The following CREBBP variants were observed in gnomAD, a reference collection of about 807,000 sequenced individuals.
The protein encoded by CREBBP is CREB-binding protein.
CREBBP carries 19 observed loss-of-function variants against 265.0 expected under a neutral mutation model. The observed-to-expected ratio is 0.07, with a 90% CI of 0.05 to 0.11. The LOEUF is 0.11. CREBBP is among the 10% of genes least tolerant of loss of function. The probability of loss-of-function intolerance (pLI) is 1.00; values close to 1 mark genes in which losing one functional copy is unlikely to be tolerated. For synonymous variants in CREBBP, 1,457 were observed against 1,223.7 expected, an observed-to-expected ratio of 1.19 and a Z score of -3.98; for missense variants, 2,525 against 3,219.0, an observed-to-expected ratio of 0.78 and a Z score of 5.22.
In CREBBP at chr16:3,728,490, T is replaced by A. The variant is rs1358192617; in HGVS notation, c.6557A>T (p.Asn2186Ile). The change falls in exon 31 of 31, where the codon AAT (asparagine) becomes ATT (isoleucine). Residue 2186 changes from asparagine to isoleucine, a missense_variant. Around this residue, in one of 19 missense-constraint regions of CREBBP, gnomAD observed 473 missense variants for 459.3 expected, o/e 1.03. Transcript: ENST00000262367. This position sits in a 1 kb window ranked among gnomAD's most constrained non-coding sequence, Gnocchi z 8.7. ...PGHNPNMASM[N>I]PQYREMLRRQ... is the part of the protein sequence containing the mutation. ...CCGTAACATTTCTCGGTACTGTGGA[T>A]TCATACTCGCCATGTTGGGGTTGTG... is the stretch of plus-strand genomic sequence containing the variant. 25 of 1,614,028 alleles carry A rather than the reference T, an allele frequency of 1.5e-5. No individual in the cohort carries two copies. Among genetic ancestry groups the A allele is most frequent in the Non-Finnish European group, 2.0e-5 (24 of 1,179,988 alleles).
intron 1 of CREBBP, among the ~76,000 whole-genome samples, chr16:3,859,145 T>C (rs2055021950): frequency 6.6e-6 from 1 of 152,216 alleles, no homozygotes; most frequent in South Asian, 2.1e-4. Flanking sequence ...CCCTGTCTCC[T>C]GGCATACAAC....
intron 23 of CREBBP, among the ~76,000 whole-genome samples, chr16:3,744,291 C>T (rs1263777380): frequency 6.6e-6 from 1 of 152,124 alleles, no homozygotes. Flanking sequence ...GACAGACCCA[C>T]GGCAGCCCAC....
rs745404443 is a variant in CREBBP, at chr16:3,770,615, C to T, written c.2835G>A (p.Ser945=). ...CGTGCACAGGCGTCGGCTGTTGCTG[C>T]GATGACTGAGGGGTAGCCACAGACG... ...QPPSVATPQS[S]QQQPTPVHAQ... Residue 945 remains serine, a synonymous_variant, in exon 14 of 31, where the codon TCG becomes TCA. Coordinates refer to ENST00000262367, the MANE Select transcript of CREBBP (RefSeq NM_004380.3). The T allele has an allele frequency of 6.8e-6, 11 of 1,613,726 alleles. No homozygotes were observed. Among genetic ancestry groups the T allele is most frequent in the Admixed American group, 5.0e-5 (3 of 60,000 alleles).
chr16:3,850,558 A>G lies in CREBBP; in HGVS notation c.537T>C (p.Ala179=), dbSNP rs2141492385. The change falls in exon 2 of 31, where the codon GCT becomes GCC. Residue 179 remains alanine (A), a synonymous_variant. Transcript: ENST00000262367. The stretch of plus-strand genomic sequence containing the variant: ...GGCCTGGGTGGGTCTGGTTAAAGTT[A>G]GCATTCATGCAGATACCAGGTCCAG... ...SQTGPGICMN[A]NFNQTHPGLL... The G allele has an allele frequency of 6.2e-7, 1 of 1,614,250 alleles. No homozygotes were observed. The highest frequency in any genetic ancestry group is 8.5e-7 in the Non-Finnish European group (1 of 1,180,044).
Position 3,874,220 on chromosome 16 carries a change from C to CAG in CREBBP, c.85+5610_85+5611dup, listed in dbSNP as rs888153550. Among the ~76,000 whole-genome samples the CAG allele has an allele frequency of 3.3e-5, 5 of 152,308 alleles. No homozygotes were observed. The East Asian group carries it at 9.6e-4, about 29-fold the overall frequency. On this transcript the variant is annotated intron_variant, in intron 1 of 30. Transcript: ENST00000262367. The stretch of plus-strand genomic sequence containing the variant: ...AACTGTTACAGAGGAACAAAAAAGA[C>CAG]AGAGAGAGAGGGCCCTGCTAAGCTC...
intron 3 of CREBBP, 71 bp from the exon 4 acceptor site, chr16:3,793,697 T>G (rs2053550829): frequency 6.4e-7 from 1 of 1,551,750 alleles, no homozygotes; most frequent in African/African-American, 1.4e-5. Flanking sequence ...TAATTATTTC[T>G]CAAACAAAAG....
chr16:3,812,254 C>T (rs2053953030), intron 2 of CREBBP, among the ~76,000 whole-genome samples: 1 of 152,098 alleles, frequency 6.6e-6, no homozygotes, highest in African/African-American at 2.4e-5. Context: ...TCTCGGCTCA[C>T]TGAAACCTCC....
chr16:3,793,742 A>ACTACACCAGCCTTCTCTCT, intron 3 of CREBBP, 116 bp from the exon 4 acceptor site: 1 of 1,262,838 alleles, frequency 7.9e-7, no homozygotes, highest in Non-Finnish European at 1.1e-6. Context: ...CACAGAGAGA[A>ACTACACCAGCCTTCTCTCT]GGCTGGTGTA....
At chr16:3,764,244 T>C (rs895760395) in intron 16 of CREBBP, among the ~76,000 whole-genome samples, 5 of 151,904 alleles carry the variant, frequency 3.3e-5, no homozygotes, top group Middle Eastern at 3.4e-3. Context: ...AGTCCTTGGA[T>C]TATAGGCATG....
In CREBBP at chr16:3,779,365, G is replaced by C. The variant is rs565671893; in HGVS notation, c.1824-548C>G. Among the ~76,000 whole-genome samples the C allele has an allele frequency of 9.9e-5, 15 of 152,210 alleles. No homozygotes were observed. The South Asian group carries it at 3.1e-3, about 32-fold the overall frequency. On this transcript the variant is annotated intron_variant, in intron 8 of 30. Coordinates refer to ENST00000262367, the MANE Select transcript of CREBBP (RefSeq NM_004380.3). ...AATTTTTAAATTTTCTGTAGAGATG[G>C]AGTTTTATTATGTTGCCCCGGCTGG...
At chr16:3,734,150 G>A (rs561584647) in intron 28 of CREBBP, among the ~76,000 whole-genome samples, 3 of 152,096 alleles carry the variant, frequency 2.0e-5, no homozygotes, top group South Asian at 2.1e-4. Context: ...TCCGTTTCTC[G>A]CCCCACCTGA....
At chr16:3,805,172 C>G (rs941736420) in intron 3 of CREBBP, among the ~76,000 whole-genome samples, 2 of 152,230 alleles carry the variant, frequency 1.3e-5, no homozygotes, top group African/African-American at 4.8e-5. Context: ...TCTCAGTGAT[C>G]TTCAAGATAC....
chr16:3,826,468 G>A (rs959917027), intron 2 of CREBBP, among the ~76,000 whole-genome samples: 4 of 152,090 alleles, frequency 2.6e-5, no homozygotes, highest in African/African-American at 4.8e-5. Context: ...TGAGAGGCAC[G>A]ACCTCAACCA....
At chr16:3,831,684 A>G (rs1160316147) in intron 2 of CREBBP, among the ~76,000 whole-genome samples, 1 of 152,186 alleles carries the variant, frequency 6.6e-6, no homozygotes, top group Non-Finnish European at 1.5e-5. Flanking sequence ...CATTATTATA[A>G]ATTCTATCCA....
intron 2 of CREBBP, among the ~76,000 whole-genome samples, chr16:3,825,233 C>T (rs2054215223): frequency 3.3e-5 from 5 of 152,134 alleles, no homozygotes; most frequent in African/African-American, 9.7e-5. Flanking sequence ...GCTTGTTTTC[C>T]AGTTCATTCT....
chr16:3,879,753 C>T, intron 1 of CREBBP, 79 bp downstream of exon 1: 4 of 1,453,472 alleles, frequency 2.8e-6, no homozygotes, highest in Non-Finnish European at 3.8e-6. Context: ...GTATCCGCGA[C>T]CACGACCCCC....
At chr16:3,825,430 A>G (rs760894525) in intron 2 of CREBBP, among the ~76,000 whole-genome samples, 1 of 152,346 alleles carries the variant, frequency 6.6e-6, no homozygotes, top group Non-Finnish European at 1.5e-5. Flanking sequence ...ACACAGATGT[A>G]TATCTATGGA....
At chr16:3,800,139 G>C (rs1334416856) in intron 3 of CREBBP, among the ~76,000 whole-genome samples, 1 of 152,078 alleles carries the variant, frequency 6.6e-6, no homozygotes, top group Non-Finnish European at 1.5e-5. Flanking sequence ...TTTATTTTTG[G>C]AGACAGGGTC....
At chr16:3,828,311 C>T (rs546320890) in intron 2 of CREBBP, among the ~76,000 whole-genome samples, 4 of 152,296 alleles carry the variant, frequency 2.6e-5, no homozygotes, top group East Asian at 1.9e-4. Context: ...AGGCTGGTCT[C>T]GAACTCACGA....
Sources: gnomAD v4.1 joint callset for allele counts (sites outside exome capture counted in the v4.1 genomes callset) on GRCh38, gnomAD v4.1.1 for gene constraint, gnomAD v4.1.1 regional missense constraint, Gnocchi (gnomAD v3.1) non-coding constraint, MANE v1.5 for transcripts, NCBI Gene and HGNC (gene_info 2026-07-23, HGNC 2026-07-21) for gene names.